FABP6: variants seen among roughly 807,000 people sequenced by gnomAD.
The protein encoded by FABP6 is gastrotropin.
In FABP6, 13 loss-of-function variants were observed where a neutral mutation model predicts 14.9. That is an observed-to-expected ratio of 0.87 (90% confidence interval 0.57 to 1.39). The LOEUF is 1.39. FABP6 is among the 40% of genes most tolerant of loss of function. The pLI is 0.00. For synonymous variants in FABP6, 75 were observed against 63.6 expected (o/e 1.18, Z -0.85); for missense variants, 161 against 167.2 (o/e 0.96, Z 0.20).
chr5:160,213,846 G>T lies in FABP6; in HGVS notation c.135+27G>T, dbSNP rs370270770. The T allele has an allele frequency of 2.6e-6, 4 of 1,556,788 alleles. No homozygotes were observed. In the South Asian group the frequency reaches 4.4e-5, roughly 17 times the overall value. ...TATGGGGTAGAAGAAGGGAGGGAAG[G>T]GTTCCTGACGTTTTTCAGATTCTGG... On this transcript the variant is annotated intron_variant, in intron 3 of 6. Transcript: ENST00000393980.
chr5:160,226,400 AG>A (rs1347919429), upstream of FABP6, among the ~76,000 whole-genome samples: 1 of 151,722 alleles, frequency 6.6e-6, no homozygotes, highest in Non-Finnish European at 1.5e-5. Context: ...TCTCTACTAA[AG>A]ATACAGAAAA....
chr5:160,223,879 C>G (rs56274133), intron 3 of FABP6, among the ~76,000 whole-genome samples: 58,235 of 149,408 alleles, frequency 0.39, 11,686 homozygotes, highest in Non-Finnish European at 0.42. Flanking sequence ...GTGGGAGGAT[C>G]GCATGAGCCC....
At chr5:160,224,497 C>G (rs1399151834) in intron 3 of FABP6, among the ~76,000 whole-genome samples, 1 of 152,108 alleles carries the variant, frequency 6.6e-6, no homozygotes, top group East Asian at 1.9e-4. Flanking sequence ...AGGAGTAGCA[C>G]ATCTTTCAGT....
At chr5:160,216,744 T>C (rs1400582661) in intron 3 of FABP6, among the ~76,000 whole-genome samples, 1 of 152,202 alleles carries the variant, frequency 6.6e-6, no homozygotes, top group African/African-American at 2.4e-5. Context: ...ACTTAGACTT[T>C]CTTTTCTGTA....
At chr5:160,206,114 C>T (rs1193176781) in intron 2 of FABP6, among the ~76,000 whole-genome samples, 1 of 152,142 alleles carries the variant, frequency 6.6e-6, no homozygotes, top group East Asian at 1.9e-4. Flanking sequence ...CAGCTGAGCA[C>T]ATGTGCACGC....
rs762811726 is a variant in FABP6 at position 160,232,141 on chromosome 5, C to A, written c.111C>A (p.Ile37=). 20 of 1,614,026 alleles carry A rather than the reference C, an allele frequency of 1.2e-5. No individual in the cohort carries two copies. The highest frequency in any genetic ancestry group is 1.6e-5 in the Non-Finnish European group (19 of 1,180,006). The change falls in exon 2 of 4, where the codon ATC becomes ATA. Residue 37 remains isoleucine, a synonymous_variant. Transcript: ENST00000402432. ...TCGAAAAGGCCCGCAACTTCAAGAT[C>A]GTCACGGAGGTGCAGCAGGATGGGC... The part of the protein sequence containing the change: ...DVIEKARNFK[I]VTEVQQDGQD...
At chr5:160,223,129 T>G (rs553266616) in intron 3 of FABP6, among the ~76,000 whole-genome samples, 6 of 152,150 alleles carry the variant, frequency 3.9e-5, no homozygotes, top group African/African-American at 1.4e-4. Flanking sequence ...ACACATCAAA[T>G]GTTTGTGGCA....
rs141776542 is a variant in FABP6 at position 160,235,773 on chromosome 5, T to TTC, written c.333+881_333+882dup. On this transcript the variant is annotated intron_variant, in intron 3 of 3. Transcript: ENST00000402432. Reference sequence around the variant, plus strand: ...CCCTTTGCTTCTCCTTCTTTGATCCTTCTCTCTCTCTCTCTCTCATTCTCG... The same window carrying TTC: ...CCCTTTGCTTCTCCTTCTTTGATCCTTCTCTCTCTCTCTCTCTCTCATTCTCG... Among the ~76,000 whole-genome samples the TTC allele has an allele frequency of 5.5e-4, 83 of 150,318 alleles. No individual in the cohort carries two copies. In the East Asian group the frequency reaches 8.2e-3, roughly 15 times the overall value.
At chr5:160,191,700 G>A (rs1259145170) in intron 1 of FABP6, among the ~76,000 whole-genome samples, 2 of 151,210 alleles carry the variant, frequency 1.3e-5, no homozygotes, top group Non-Finnish European at 2.9e-5. Flanking sequence ...GGTGGCTCAC[G>A]CCTGTAATCC....
At chr5:160,211,669 A>G (rs935573238) in intron 2 of FABP6, among the ~76,000 whole-genome samples, 1 of 152,148 alleles carries the variant, frequency 6.6e-6, no homozygotes, top group South Asian at 2.1e-4. Flanking sequence ...TCCTGGTGCT[A>G]TGTGCTATCT....
chr5:160,237,902 C>A (rs1289228718), intron 3 of FABP6, among the ~76,000 whole-genome samples: 1 of 152,190 alleles, frequency 6.6e-6, no homozygotes, highest in Non-Finnish European at 1.5e-5. Flanking sequence ...GTCCAACAGC[C>A]AATTCCCCCT....
At chr5:160,194,243 G>GCCGCACGCAT (rs964684018) in intron 1 of FABP6, among the ~76,000 whole-genome samples, 2 of 152,214 alleles carry the variant, frequency 1.3e-5, no homozygotes, top group African/African-American at 4.8e-5. Context: ...GCCCGCAAGC[G>GCCGCACGCAT]CCGCACGCAT....
At chr5:160,217,520 T>TACTTAACACACTC (rs1406013521) in intron 3 of FABP6, among the ~76,000 whole-genome samples, 2 of 152,170 alleles carry the variant, frequency 1.3e-5, no homozygotes, top group Non-Finnish European at 2.9e-5. Flanking sequence ...CCCCAACAGT[T>TACTTAACACACTC]ACTTAACACA....
chr5:160,212,662 G>T (rs1045027888), intron 2 of FABP6, among the ~76,000 whole-genome samples: 2 of 151,996 alleles, frequency 1.3e-5, no homozygotes, highest in South Asian at 4.2e-4. Context: ...GTAGAGACAG[G>T]GTTTCACCGT....
chr5:160,209,552 T>A (rs998638064), intron 2 of FABP6, among the ~76,000 whole-genome samples: 4 of 152,030 alleles, frequency 2.6e-5, no homozygotes, highest in Non-Finnish European at 5.9e-5. Flanking sequence ...TAAAGCCAGT[T>A]TGGCTCTCAG....
chr5:160,207,296 GCATCTTC>G (rs1181795635), intron 2 of FABP6, among the ~76,000 whole-genome samples: 4 of 152,324 alleles, frequency 2.6e-5, no homozygotes, highest in South Asian at 2.1e-4. Flanking sequence ...TCCCAGGCCT[GCATCTTC>G]CATCCATCAG....
chr5:160,203,912 G>A (rs1580903293), intron 2 of FABP6, among the ~76,000 whole-genome samples: 1 of 152,074 alleles, frequency 6.6e-6, no homozygotes, highest in East Asian at 1.9e-4. Context: ...TGTTGGTCAG[G>A]CTGATCTCGA....
At chr5:160,234,939 T>C in intron 3 of FABP6, 30 bp downstream of exon 3, 1 of 1,592,162 alleles carries the variant, frequency 6.3e-7, no homozygotes, top group Non-Finnish European at 8.6e-7. Context: ...CTGGGATGAT[T>C]ATTGGATATT....
chr5:160,230,171 C>T (rs1001363789), intron 1 of FABP6, among the ~76,000 whole-genome samples: 5 of 151,788 alleles, frequency 3.3e-5, no homozygotes, highest in African/African-American at 1.2e-4. Context: ...GCGTGAGCTG[C>T]CGCACCCAGC....
Sources: allele counts gnomAD v4.1 joint callset (sites outside exome capture counted in the v4.1 genomes callset), GRCh38; gene constraint gnomAD v4.1.1; transcripts MANE v1.5; gene names NCBI Gene and HGNC (gene_info 2026-07-23, HGNC 2026-07-21).